The following MALRD1 variants were observed in gnomAD, a reference collection of about 807,000 sequenced individuals.
The protein encoded by MALRD1 is MAM and LDL receptor class A domain containing 1.
In MALRD1, 247 loss-of-function variants were observed where a neutral mutation model predicts 242.1. That is an observed-to-expected ratio of 1.02 (90% CI 0.92 to 1.13). MALRD1 has a LOEUF of 1.13. MALRD1 is among the 50% of genes most tolerant of loss of function. The probability of loss-of-function intolerance (pLI) is 0.00; values close to 1 mark genes in which losing one functional copy is unlikely to be tolerated. For synonymous variants in MALRD1, 995 were observed against 866.6 expected (o/e 1.15, Z -2.60); for missense variants, 2,989 against 2,533.1 (o/e 1.18, Z -3.86).
intron 14 of MALRD1, among the ~76,000 whole-genome samples, chr10:19,193,561 C>A (rs965154309): frequency 6.6e-6 from 1 of 151,888 alleles, no homozygotes; most frequent in Non-Finnish European, 1.5e-5. Flanking sequence ...CTCAAAAAAA[C>A]AAAGAAAAGA....
intron 24 of MALRD1, among the ~76,000 whole-genome samples, chr10:19,346,767 C>T (rs1844148777): frequency 6.6e-6 from 1 of 152,146 alleles, no homozygotes; most frequent in African/African-American, 2.4e-5. Flanking sequence ...TCTTCTGCCT[C>T]AGCCTCCCAA....
chr10:19,379,383 A>G (rs79531968), intron 26 of MALRD1, among the ~76,000 whole-genome samples: 13,621 of 152,042 alleles, frequency 0.09, 786 homozygotes, highest in East Asian at 0.17. Flanking sequence ...TATGATAGAA[A>G]CTTAGTTAAT....
chr10:19,488,960 CG>C (rs1484838877), intron 29 of MALRD1: 5 of 421,088 alleles, frequency 1.2e-5, no homozygotes, highest in Non-Finnish European at 1.9e-5. Flanking sequence ...AAAAATTTAG[CG>C]GGGGCGGAGG....
chr10:19,180,834 T>C (rs1263951781), intron 14 of MALRD1, among the ~76,000 whole-genome samples: 1 of 152,200 alleles, frequency 6.6e-6, no homozygotes, highest in African/African-American at 2.4e-5. Context: ...AAGGGGTTAA[T>C]ATTCAAAATT....
At chr10:19,462,108 G>A (rs1447852922) in intron 29 of MALRD1, among the ~76,000 whole-genome samples, 1 of 152,164 alleles carries the variant, frequency 6.6e-6, no homozygotes, top group African/African-American at 2.4e-5. Context: ...CACCAGAATA[G>A]GGGAGCTGGG....
chr10:19,460,344 C>A (rs1344553722), intron 29 of MALRD1, among the ~76,000 whole-genome samples: 1 of 151,958 alleles, frequency 6.6e-6, no homozygotes, highest in African/African-American at 2.4e-5. Context: ...ACAACCAAAT[C>A]TACAGATATT....
intron 34 of MALRD1, among the ~76,000 whole-genome samples, chr10:19,602,064 T>C (rs530634971): frequency 6.6e-6 from 1 of 151,918 alleles, no homozygotes; most frequent in East Asian, 1.9e-4. Context: ...TTTTACTGTG[T>C]ATTGCTTTAT....
chr10:19,551,755 G>A (rs1324279706), intron 32 of MALRD1, among the ~76,000 whole-genome samples: 1 of 152,058 alleles, frequency 6.6e-6, no homozygotes, highest in Non-Finnish European at 1.5e-5. Flanking sequence ...CTTATTTTGA[G>A]GTATATTCCT....
At position 19,146,692 on chromosome 10, in the gene MALRD1, T is replaced by C. The variant is rs1265307917; in HGVS notation, c.1558+348T>C. On this transcript the variant is annotated intron_variant, in intron 11 of 39. Transcript: ENST00000454679. Reference sequence around the variant, plus strand: ...AATTTTTTCAAAACAGGAAGAAAAATAGTCTAATCTTGTTTCTGGGAACTG... The same window carrying C: ...AATTTTTTCAAAACAGGAAGAAAAACAGTCTAATCTTGTTTCTGGGAACTG... 2.0e-5 allele frequency among the ~76,000 whole-genome samples: 3 copies of C among 152,220 alleles called. No homozygotes were observed. In the East Asian group the frequency reaches 5.8e-4, roughly 29 times the overall value.
intron 26 of MALRD1, among the ~76,000 whole-genome samples, chr10:19,371,773 T>C (rs1845392399): frequency 6.6e-6 from 1 of 152,234 alleles, no homozygotes; most frequent in Admixed American, 6.5e-5. Flanking sequence ...AAGGTGTATA[T>C]GAAACATTTG....
At chr10:19,642,881 G>T (rs1464005759) in intron 36 of MALRD1, among the ~76,000 whole-genome samples, 2 of 152,162 alleles carry the variant, frequency 1.3e-5, no homozygotes, top group African/African-American at 4.8e-5. Flanking sequence ...GTTTCAGGGA[G>T]TAGATGCTGA....
In MALRD1 at chr10:19,499,700, A is replaced by G. The variant is rs543775733; in HGVS notation, c.5320+1054A>G. ...CAATATTCTTCAAAACAGTTGAAGCATATGCACAGTAAAAAAGAACGAGAT... is the reference window on the plus strand; with the variant it reads ...CAATATTCTTCAAAACAGTTGAAGCGTATGCACAGTAAAAAAGAACGAGAT... On this transcript the variant is annotated intron_variant, in intron 31 of 39. Transcript: ENST00000454679. Among the ~76,000 whole-genome samples the G allele has an allele frequency of 3.3e-5, 5 of 152,352 alleles. No individual in the cohort carries two copies. In the East Asian group the frequency reaches 7.7e-4, roughly 24 times the overall value.
At chr10:19,082,203 C>T (rs559828055) in intron 2 of MALRD1, among the ~76,000 whole-genome samples, 1 of 151,202 alleles carries the variant, frequency 6.6e-6, no homozygotes, top group African/African-American at 2.4e-5. Flanking sequence ...TTAGTTGTTG[C>T]CCTAGGGATT....
In MALRD1 at chr10:19,283,129, A is replaced by G; in HGVS notation, c.3367A>G (p.Ile1123Val). 6.5e-7 allele frequency: 1 copy of G among 1,549,712 alleles called. No individual in the cohort carries two copies. The highest frequency in any genetic ancestry group is 8.7e-7 in the Non-Finnish European group (1 of 1,146,422). Residue 1123 changes from isoleucine to valine, a missense_variant, in exon 21 of 40, where the codon ATC becomes GTC. Coordinates refer to ENST00000454679, the MANE Select transcript of MALRD1 (RefSeq NM_001142308.3). ...NTFRWGLGNG[I>V]SIHHGEENHR... ...ATTCAGGTGGGGGCTTGGGAACGGG[A>G]TCAGCATTCATCATGGGGAAGAAAA...
At chr10:19,151,066 A>G (rs1833928906) in intron 11 of MALRD1, among the ~76,000 whole-genome samples, 1 of 152,176 alleles carries the variant, frequency 6.6e-6, no homozygotes, top group Admixed American at 6.5e-5. Flanking sequence ...AAATGGGACT[A>G]CTTTTTCCTA....
Position 19,450,450 on chromosome 10 carries a change from A to G in MALRD1, c.4989A>G (p.Gly1663=), listed in dbSNP as rs1314926408. The change falls in exon 29 of 40, where the codon GGA becomes GGG. Residue 1663 remains glycine (G), a synonymous_variant. Coordinates refer to ENST00000454679, the MANE Select transcript of MALRD1 (RefSeq NM_001142308.3). The stretch of plus-strand genomic sequence containing the variant: ...TCAGAACAAGGGACCTGGGAGGAGG[A>G]GCTGCAATTGATGATATTGAATTTA... ...QGIRTRDLGG[G]AAIDDIEFKN... The G allele has an allele frequency of 6.5e-7, 1 of 1,550,310 alleles. No homozygotes were observed. Among genetic ancestry groups the G allele is most frequent in the Admixed American group, 2.0e-5 (1 of 50,950 alleles).
chr10:19,114,493 T>G (rs1836801112), intron 5 of MALRD1, among the ~76,000 whole-genome samples: 1 of 152,014 alleles, frequency 6.6e-6, no homozygotes, highest in African/African-American at 2.4e-5. Context: ...AAAAATTAGC[T>G]GGGCATGATG....
intron 30 of MALRD1, among the ~76,000 whole-genome samples, chr10:19,492,124 G>T (rs970301050): frequency 4.6e-5 from 7 of 151,738 alleles, no homozygotes; most frequent in African/African-American, 1.7e-4. Flanking sequence ...GACTGGTTGG[G>T]CTCCATTGTA....
chr10:19,054,871 A>C (rs1021168064), intron 1 of MALRD1, among the ~76,000 whole-genome samples: 2 of 152,210 alleles, frequency 1.3e-5, no homozygotes, highest in African/African-American at 2.4e-5. Flanking sequence ...AGGAGTGCAG[A>C]TATCCCTTCA....
Sources: allele counts gnomAD v4.1 joint callset (sites outside exome capture counted in the v4.1 genomes callset), GRCh38; gene constraint gnomAD v4.1.1; transcripts MANE v1.5; gene names NCBI Gene and HGNC (gene_info 2026-07-23, HGNC 2026-07-21).